Variants in ABCG1 observed in about 807,000 individuals in gnomAD.
The protein encoded by ABCG1 is ATP binding cassette subfamily G member 1.
A neutral mutation model predicts 69.2 loss-of-function variants in ABCG1; 29 were observed. That is an observed-to-expected ratio of 0.42 (90% CI 0.31 to 0.57). The LOEUF (loss-of-function observed/expected upper bound fraction) is 0.57, where lower values mean the gene tolerates loss of function less well. ABCG1 is among the 20% of genes least tolerant of loss of function. The probability of loss-of-function intolerance (pLI) is 0.15; values close to 1 mark genes in which losing one functional copy is unlikely to be tolerated. For synonymous variants in ABCG1, 370 were observed against 374.8 expected (o/e 0.99, Z 0.15); for missense variants, 718 against 898.1 (o/e 0.80, Z 2.56).
At chr21:42,284,732 C>G in intron 7 of ABCG1, 49 bp downstream of exon 7, 6 of 1,599,280 alleles carry the variant, frequency 3.8e-6, no homozygotes, top group Non-Finnish European at 5.1e-6. Context: ...GCACTCAGGT[C>G]AGCCTGAATG....
At chr21:42,234,298 G>C (rs914064099) in intron 2 of ABCG1, among the ~76,000 whole-genome samples, 1 of 152,256 alleles carries the variant, frequency 6.6e-6, no homozygotes, top group East Asian at 1.9e-4. Flanking sequence ...TCATCTCTTT[G>C]CAATCGCTCA....
At chr21:42,256,209 A>G in intron 2 of ABCG1, 1 of 1,447,562 alleles carries the variant, frequency 6.9e-7, no homozygotes, top group East Asian at 2.5e-5. Context: ...TAAACCTCAT[A>G]AGTGGTTTCC....
chr21:42,221,563 A>G (rs996054019), intron 1 of ABCG1, among the ~76,000 whole-genome samples: 8 of 152,298 alleles, frequency 5.3e-5, no homozygotes, highest in African/African-American at 1.9e-4. Context: ...CTGGGATTCC[A>G]AGTGACCCCT....
chr21:42,273,706 C>T lies in ABCG1; in HGVS notation c.537+271C>T, dbSNP rs1391851996. 6.6e-6 allele frequency among the ~76,000 whole-genome samples: 1 copy of T among 152,172 alleles called. No individual in the cohort carries two copies. On this transcript the variant is annotated intron_variant, in intron 4 of 14. Transcript: ENST00000398449. This position sits in a 1 kb window ranked among gnomAD's most constrained non-coding sequence, Gnocchi z 5.3. Reference sequence around the variant, plus strand: ...CAAGTTTCTGAGAAGGTTATTAACCCGGCTGGCTTGGGTGATCCTCTCCAG... The same window carrying T: ...CAAGTTTCTGAGAAGGTTATTAACCTGGCTGGCTTGGGTGATCCTCTCCAG...
chr21:42,202,534 C>T (rs991235798), intron 2 of ABCG1, among the ~76,000 whole-genome samples: 1 of 151,910 alleles, frequency 6.6e-6, no homozygotes, highest in Non-Finnish European at 1.5e-5. Context: ...TCCCTCCCCC[C>T]ATCCCTCTCT....
At position 42,273,213 on chromosome 21, in the gene ABCG1, G is replaced by A; in HGVS notation, c.405-90G>A. On this transcript the variant is annotated intron_variant, in intron 3 of 14. Coordinates refer to ENST00000398449, the MANE Select transcript of ABCG1 (RefSeq NM_016818.3). The surrounding 1 kb of genome is among the most constrained non-coding windows in gnomAD (Gnocchi z 5.3). ...CAGCTGGGAAGATGCTGGGAGGCAA[G>A]CCCCCGTCTCTGGCTCCCCTCTCCT... is the stretch of plus-strand genomic sequence containing the variant. 5 of 1,511,412 alleles carry A rather than the reference G, an allele frequency of 3.3e-6. No individual in the cohort carries two copies. Among genetic ancestry groups the A allele is most frequent in the Non-Finnish European group, 3.5e-6 (4 of 1,129,316 alleles). The allele number at this position is 1,511,412 out of a possible 1,614,324, so 93.6% of individuals were successfully genotyped here.
rs4920075 is a variant in ABCG1, at chr21:42,235,540, G to A, written c.286+9626G>A. On this transcript the variant is annotated intron_variant, in intron 2 of 14. Coordinates refer to ENST00000398449, the MANE Select transcript of ABCG1 (RefSeq NM_016818.3). ...CATACTTTTAGGGAGACGTAAGACA[G>A]TGATCAATATTTAAGATGTACATTG... Among the ~76,000 whole-genome samples the A allele has an allele frequency of 3.7e-3, 562 of 152,350 alleles. 12 individuals are homozygous for A. The highest frequency in any genetic ancestry group is 0.034 in the Admixed American group (516 of 15,310).
At chr21:42,269,731 G>C (rs60126243) in intron 2 of ABCG1, among the ~76,000 whole-genome samples, 86 of 152,258 alleles carry the variant, frequency 5.6e-4, no homozygotes, top group African/African-American at 2.1e-3. Flanking sequence ...GGCATTTTCC[G>C]GTGTCCTATC....
intron 2 of ABCG1, among the ~76,000 whole-genome samples, chr21:42,204,840 A>G (rs192422063): frequency 1.3e-5 from 2 of 152,288 alleles, no homozygotes; most frequent in Admixed American, 1.3e-4. Context: ...TAAAAATATT[A>G]TATTTGTCTG....
upstream of ABCG1, among the ~76,000 whole-genome samples, chr21:42,214,178 G>T (rs1274603403): frequency 2.0e-5 from 3 of 152,324 alleles, no homozygotes; most frequent in East Asian, 5.8e-4. Context: ...AAGAGGTGTG[G>T]CCTCTGGAAG....
chr21:42,255,595 G>A (rs1276667470), intron 2 of ABCG1, among the ~76,000 whole-genome samples: 1 of 152,338 alleles, frequency 6.6e-6, no homozygotes, highest in East Asian at 1.9e-4. Flanking sequence ...AGGAGCGCAC[G>A]AGGAGGCTGA....
intron 2 of ABCG1, among the ~76,000 whole-genome samples, chr21:42,252,894 G>T (rs1375646871): frequency 6.6e-6 from 1 of 152,188 alleles, no homozygotes. Flanking sequence ...TGGTGTTGGG[G>T]CGAGTGAGGT....
In ABCG1 at chr21:42,219,566, G is replaced by A. The variant is rs965372012; in HGVS notation, c.42+262G>A. ...GGGCCGGGAGTGGGGCGGGGGCAGC[G>A]AGTTGCCCTACAAGTTGGACCGATG... On this transcript the variant is annotated intron_variant, in intron 1 of 14. Transcript: ENST00000398449. This position sits in a 1 kb window ranked among gnomAD's most constrained non-coding sequence, Gnocchi z 5.3. 5.9e-5 allele frequency among the ~76,000 whole-genome samples: 9 copies of A among 152,134 alleles called. No individual in the cohort carries two copies. The highest frequency in any genetic ancestry group is 1.4e-4 in the African/African-American group (6 of 41,448).
At chr21:42,251,682 G>A (rs901558226) in intron 2 of ABCG1, among the ~76,000 whole-genome samples, 3 of 152,142 alleles carry the variant, frequency 2.0e-5, no homozygotes, top group African/African-American at 7.2e-5. Context: ...GCCCAATTGT[G>A]GAAAGAAGGC....
At chr21:42,250,458 G>C (rs2068201823) in intron 2 of ABCG1, among the ~76,000 whole-genome samples, 1 of 152,176 alleles carries the variant, frequency 6.6e-6, no homozygotes, top group African/African-American at 2.4e-5. Context: ...GGCTCCCAGA[G>C]ATAGGCAGCC....
At chr21:42,233,155 G>A (rs2067925293) in intron 2 of ABCG1, among the ~76,000 whole-genome samples, 1 of 152,220 alleles carries the variant, frequency 6.6e-6, no homozygotes, top group Non-Finnish European at 1.5e-5. Context: ...AGTCTGACCT[G>A]CAGCCAAGAG....
upstream of ABCG1, chr21:42,216,251 G>A (rs942038607): frequency 7.6e-6 from 3 of 392,470 alleles, no homozygotes; most frequent in African/African-American, 4.1e-5. Context: ...TTTATCGGCA[G>A]CGTGAAAATG....
chr21:42,292,813 CAG>C (rs988067366), intron 13 of ABCG1, among the ~76,000 whole-genome samples: 2 of 148,184 alleles, frequency 1.3e-5, no homozygotes, highest in Admixed American at 6.7e-5. Flanking sequence ...CCACACTACA[CAG>C]TACACACCAC....
intron 2 of ABCG1, among the ~76,000 whole-genome samples, chr21:42,204,978 G>C (rs116718701): frequency 0.018 from 2,728 of 150,094 alleles, 84 homozygotes; most frequent in African/African-American, 0.062. Context: ...ATTCTCCAGT[G>C]ATATCATCTG....
Sources: allele counts gnomAD v4.1 joint callset (sites outside exome capture counted in the v4.1 genomes callset), GRCh38; gene constraint gnomAD v4.1.1; non-coding constraint Gnocchi (gnomAD v3.1); transcripts MANE v1.5; gene names NCBI Gene and HGNC (gene_info 2026-07-23, HGNC 2026-07-21).